Variants in ADAMTS20 observed in about 807,000 individuals in gnomAD.
ADAMTS20 encodes the protein A disintegrin and metalloproteinase with thrombospondin motifs 20.
Under a neutral mutation model 260.1 loss-of-function variants are expected in ADAMTS20, and 225 were observed. That is an observed-to-expected ratio of 0.87 (90% CI 0.78 to 0.97). The LOEUF (loss-of-function observed/expected upper bound fraction) is 0.97. Ranked by LOEUF, ADAMTS20 falls within the 50% of genes least tolerant of loss-of-function variation. The probability of loss-of-function intolerance (pLI) is 0.00; values close to 1 mark genes in which losing one functional copy is unlikely to be tolerated. For synonymous variants in ADAMTS20, 802 were observed against 769.5 expected, an observed-to-expected ratio of 1.04 and a Z score of -0.70; for missense variants, 2,400 against 2,337.7, an observed-to-expected ratio of 1.03 and a Z score of -0.55.
chr12:43,544,531 G>A (rs775623952), intron 2 of ADAMTS20, among the ~76,000 whole-genome samples: 5 of 152,090 alleles, frequency 3.3e-5, no homozygotes, highest in Non-Finnish European at 4.4e-5. Context: ...TGCATAAAAC[G>A]TCAACTGGTA....
intron 7 of ADAMTS20, among the ~76,000 whole-genome samples, chr12:43,489,008 AGCTT>A (rs1942563332): frequency 6.6e-6 from 1 of 152,116 alleles, no homozygotes; most frequent in South Asian, 2.1e-4. Flanking sequence ...GCAATGTAAC[AGCTT>A]ACAGTTTTGG....
At chr12:43,430,263 G>GA (rs1192270331) in intron 23 of ADAMTS20, 89 bp downstream of exon 23, 4 of 1,434,198 alleles carry the variant, frequency 2.8e-6, no homozygotes, top group Non-Finnish European at 3.7e-6. Flanking sequence ...AGTTTAAGTG[G>GA]AAAAAAATAA....
At chr12:43,463,122 C>T (rs1942094124) in intron 10 of ADAMTS20, 123 bp from the exon 11 acceptor site, 2 of 525,156 alleles carry the variant, frequency 3.8e-6, no homozygotes, top group African/African-American at 3.9e-5. Context: ...TAAGCTGAAA[C>T]TAATCAGCAA....
intron 3 of ADAMTS20, among the ~76,000 whole-genome samples, chr12:43,509,752 T>C (rs2137460899): frequency 6.6e-6 from 1 of 152,212 alleles, no homozygotes; most frequent in South Asian, 2.1e-4. Context: ...ATCCAGGTCT[T>C]ATATATTGTA....
intron 31 of ADAMTS20, among the ~76,000 whole-genome samples, chr12:43,379,712 T>C (rs1259059707): frequency 6.6e-6 from 1 of 152,066 alleles, no homozygotes; most frequent in Non-Finnish European, 1.5e-5. Flanking sequence ...CAATATAGAC[T>C]TAACAGTTAG....
At chr12:43,530,978 T>C (rs1222686548) in intron 3 of ADAMTS20, among the ~76,000 whole-genome samples, 1 of 151,928 alleles carries the variant, frequency 6.6e-6, no homozygotes, top group Non-Finnish European at 1.5e-5. Context: ...ATCTAGTATC[T>C]AGGTATATAT....
At chr12:43,359,957 T>C (rs1282146735) in intron 37 of ADAMTS20, among the ~76,000 whole-genome samples, 4 of 152,212 alleles carry the variant, frequency 2.6e-5, no homozygotes, top group Non-Finnish European at 5.9e-5. Flanking sequence ...GAAATGACTC[T>C]AAATGTACAG....
chr12:43,523,018 TA>T (rs1358764095), intron 3 of ADAMTS20, among the ~76,000 whole-genome samples: 2 of 152,224 alleles, frequency 1.3e-5, no homozygotes, highest in Admixed American at 6.5e-5. Context: ...CTTTTCCATT[TA>T]ATCACTTCAT....
Position 43,354,312 on chromosome 12 carries a change from GAAGA to G in ADAMTS20, c.5644-18_5644-15del. ...TCTAGTTCCATCCTGAAAATCGGAA[GAAGA>G]AATACAGAAGAATCTTATACAAGCT... On this transcript the variant is annotated splice_polypyrimidine_tract_variant and intron_variant, in intron 38 of 38. Transcript: ENST00000389420. The G allele has an allele frequency of 1.9e-6, 3 of 1,557,468 alleles. No individual in the cohort carries two copies. The highest frequency in any genetic ancestry group is 2.6e-6 in the Non-Finnish European group (3 of 1,144,730).
At chr12:43,398,599 A>G (rs1052598856) in intron 29 of ADAMTS20, among the ~76,000 whole-genome samples, 1 of 152,198 alleles carries the variant, frequency 6.6e-6, no homozygotes, top group African/African-American at 2.4e-5. Flanking sequence ...CAAGGCAGTT[A>G]CTAAATGTAT....
At chr12:43,367,516 TC>T (rs1221368269) in intron 37 of ADAMTS20, among the ~76,000 whole-genome samples, 1 of 151,996 alleles carries the variant, frequency 6.6e-6, no homozygotes, top group Non-Finnish European at 1.5e-5. Flanking sequence ...AAAGGCTGTG[TC>T]CTCAACCTGA....
chr12:43,499,371 T>G (rs1942723393), intron 4 of ADAMTS20, among the ~76,000 whole-genome samples: 1 of 152,174 alleles, frequency 6.6e-6, no homozygotes, highest in Admixed American at 6.5e-5. Flanking sequence ...TTGCTTTCCA[T>G]GAAGTCAAAA....
At chr12:43,484,185 T>C (rs1942485422) in intron 7 of ADAMTS20, among the ~76,000 whole-genome samples, 1 of 151,900 alleles carries the variant, frequency 6.6e-6, no homozygotes, top group Admixed American at 6.6e-5. Context: ...CCCAGTTGAA[T>C]CAAAAATAAA....
rs768650149 is a variant in ADAMTS20, at chr12:43,532,115, A to C, written c.534T>G (p.Gly178=). ...TGTATATAAGATGTGGCTTGTTGTG[A>C]CCATCTTCATATTCATTCCCATCTG... ...MKADGNEYED[G]HNKPHLIYRQ... Residue 178 remains glycine, a synonymous_variant, in exon 3 of 39, where the codon GGT becomes GGG. Coordinates refer to ENST00000389420, the MANE Select transcript of ADAMTS20 (RefSeq NM_025003.5). 2 of 1,612,560 alleles carry C rather than the reference A, an allele frequency of 1.2e-6. No homozygotes were observed. Among genetic ancestry groups the C allele is most frequent in the Non-Finnish European group, 1.7e-6 (2 of 1,179,214 alleles).
intron 3 of ADAMTS20, among the ~76,000 whole-genome samples, chr12:43,513,140 A>C (rs892312259): frequency 1.4e-4 from 22 of 152,180 alleles, no homozygotes; most frequent in African/African-American, 5.1e-4. Flanking sequence ...ACTTGAAGGA[A>C]AAAAGAAGGC....
chr12:43,439,283 T>C (rs1204009455), intron 18 of ADAMTS20, among the ~76,000 whole-genome samples: 1 of 151,966 alleles, frequency 6.6e-6, no homozygotes, highest in Non-Finnish European at 1.5e-5. Flanking sequence ...TGGAGATGAG[T>C]GGAAGAAAAG....
chr12:43,407,715 C>T (rs966106923), intron 28 of ADAMTS20, among the ~76,000 whole-genome samples: 2 of 152,168 alleles, frequency 1.3e-5, no homozygotes, highest in Admixed American at 6.5e-5. Flanking sequence ...GATTAATTTT[C>T]TTCAATAATA....
intron 14 of ADAMTS20, 74 bp downstream of exon 14, chr12:43,452,200 T>C: frequency 7.0e-7 from 1 of 1,426,658 alleles, no homozygotes; most frequent in Non-Finnish European, 9.4e-7. Context: ...AAGTAATATT[T>C]GGTTATATAA....
chr12:43,382,152 G>C (rs1350930004), intron 31 of ADAMTS20, among the ~76,000 whole-genome samples: 1 of 152,026 alleles, frequency 6.6e-6, no homozygotes, highest in Non-Finnish European at 1.5e-5. Context: ...CAAGAAAATT[G>C]AAAACATACA....
Sources: gnomAD v4.1 joint callset for allele counts (sites outside exome capture counted in the v4.1 genomes callset) on GRCh38, gnomAD v4.1.1 for gene constraint, MANE v1.5 for transcripts, NCBI Gene and HGNC (gene_info 2026-07-23, HGNC 2026-07-21) for gene names.